Variants in NTM observed in about 807,000 individuals in gnomAD.
NTM encodes the protein IgLON family member 2.
NTM carries 13 observed loss-of-function variants against 42.1 expected under a neutral mutation model. That is an observed-to-expected ratio of 0.31 (90% confidence interval 0.20 to 0.49). NTM has a LOEUF of 0.49. Among genes scored for constraint, NTM ranks in the 20% least tolerant of loss-of-function variants. The pLI is 0.99. For synonymous variants in NTM, 187 were observed against 179.2 expected (o/e 1.04, Z -0.35); for missense variants, 373 against 452.8 (o/e 0.82, Z 1.60).
At chr11:132,065,491 A>T (rs971922736) in intron 2 of NTM, among the ~76,000 whole-genome samples, 40 of 152,196 alleles carry the variant, frequency 2.6e-4, no homozygotes, top group African/African-American at 9.6e-4. Flanking sequence ...TCTTGTTCAT[A>T]TGATTGTTCA....
intron 1 of NTM, chr11:131,795,656 C>T (rs943523923): frequency 2.0e-6 from 2 of 985,296 alleles, no homozygotes; most frequent in African/African-American, 3.5e-5. Context: ...AGTACAGTGC[C>T]AGTGCCCATA....
At chr11:132,113,314 G>A (rs1010538862) in intron 2 of NTM, among the ~76,000 whole-genome samples, 13 of 152,124 alleles carry the variant, frequency 8.5e-5, no homozygotes, top group African/African-American at 2.4e-4. Flanking sequence ...TGTAATGAAC[G>A]CCTCTGTGAT....
At chr11:131,932,677 A>G (rs1223228969) in intron 2 of NTM, among the ~76,000 whole-genome samples, 1 of 152,200 alleles carries the variant, frequency 6.6e-6, no homozygotes, top group Non-Finnish European at 1.5e-5. Context: ...GGTGGTGATG[A>G]TTTATACCTT....
intron 1 of NTM, among the ~76,000 whole-genome samples, chr11:131,649,755 G>C (rs935771279): frequency 6.6e-6 from 1 of 152,152 alleles, no homozygotes; most frequent in African/African-American, 2.4e-5. Flanking sequence ...GGAAGTGGAT[G>C]ATAGTCCATG....
rs117884343 is a variant in NTM at position 131,950,047 on chromosome 11, G to A, written c.167+38399G>A. Among the ~76,000 whole-genome samples the A allele has an allele frequency of 5.6e-3, 850 of 152,268 alleles. 5 individuals carry two copies. The highest frequency in any genetic ancestry group is 0.012 in the South Asian group (60 of 4,824). ...ACCTTGGTGCTTGACCATATTCAGT[G>A]AATATTTCTTGAACATTATTGGTGG... On this transcript the variant is annotated intron_variant, in intron 2 of 8. Coordinates refer to ENST00000683400, the MANE Select transcript of NTM (RefSeq NM_001352005.2).
chr11:131,699,105 T>C (rs1565441458), intron 1 of NTM, among the ~76,000 whole-genome samples: 1 of 152,224 alleles, frequency 6.6e-6, no homozygotes, highest in Non-Finnish European at 1.5e-5. Flanking sequence ...TTGTAAATTA[T>C]ACCTTAACAA....
In NTM at chr11:131,446,912, G is replaced by T. The variant is rs115078460; in HGVS notation, c.82+76024G>T. On this transcript the variant is annotated intron_variant, in intron 1 of 8. Coordinates refer to ENST00000683400, the MANE Select transcript of NTM (RefSeq NM_001352005.2). Reference sequence around the variant, plus strand: ...AAAGCTGGCTGTGGTCCTTCACAGCGATCAGAGGAGAGGCTGATGGAAAGC... The same window carrying T: ...AAAGCTGGCTGTGGTCCTTCACAGCTATCAGAGGAGAGGCTGATGGAAAGC... 8.2e-3 allele frequency among the ~76,000 whole-genome samples: 1,244 copies of T among 152,320 alleles called. 15 individuals carry two copies. The highest frequency in any genetic ancestry group is 0.028 in the African/African-American group (1,167 of 41,574).
In NTM at chr11:131,758,061, G is replaced by T. The variant is rs148728621; in HGVS notation, c.83-153503G>T. ...TCCAGATGGTCACCGGACACTACAG[G>T]GCTCCGCTGAGAGCAAGTAGCCTTA... On this transcript the variant is annotated intron_variant, in intron 1 of 8. Coordinates refer to ENST00000683400, the MANE Select transcript of NTM (RefSeq NM_001352005.2). Among the ~76,000 whole-genome samples the T allele has an allele frequency of 2.6e-5, 4 of 152,250 alleles. No individual in the cohort carries two copies. The East Asian group carries it at 7.7e-4, about 29-fold the overall frequency.
intron 3 of NTM, among the ~76,000 whole-genome samples, chr11:132,160,170 C>A (rs914230283): frequency 6.6e-6 from 1 of 152,232 alleles, no homozygotes; most frequent in African/African-American, 2.4e-5. Flanking sequence ...GACAGGGCAG[C>A]ATGCTGCCCA....
chr11:132,019,908 A>C (rs565700334), intron 2 of NTM, among the ~76,000 whole-genome samples: 1 of 151,600 alleles, frequency 6.6e-6, no homozygotes, highest in African/African-American at 2.4e-5. Flanking sequence ...ATCTTGCCTG[A>C]CGCTGAGGTT....
intron 2 of NTM, chr11:131,981,642 T>C (rs181580275): frequency 7.2e-5 from 11 of 152,336 alleles, no homozygotes; most frequent in African/African-American, 1.2e-4. Flanking sequence ...ATATCCAATA[T>C]TTCTGTGCTA....
intron 1 of NTM, among the ~76,000 whole-genome samples, chr11:131,821,310 T>A (rs1401948229): frequency 6.6e-6 from 1 of 152,202 alleles, no homozygotes; most frequent in Non-Finnish European, 1.5e-5. Flanking sequence ...GCAGGTGAGA[T>A]CCTTAGTCAT....
At chr11:131,768,888 A>C (rs529831619) in intron 1 of NTM, among the ~76,000 whole-genome samples, 15 of 152,236 alleles carry the variant, frequency 9.9e-5, no homozygotes, top group Non-Finnish European at 1.9e-4. Flanking sequence ...AGACTGGACA[A>C]ATAATATGCC....
chr11:131,802,371 G>T (rs570201388), intron 1 of NTM, among the ~76,000 whole-genome samples: 1 of 152,294 alleles, frequency 6.6e-6, no homozygotes, highest in African/African-American at 2.4e-5. Context: ...GCTACTTGGG[G>T]TTTTATCTGC....
intron 2 of NTM, among the ~76,000 whole-genome samples, chr11:132,028,267 T>C (rs914034147): frequency 1.1e-4 from 16 of 151,612 alleles, no homozygotes; most frequent in Non-Finnish European, 2.1e-4. Context: ...TTTTTCGTCT[T>C]ATAGTATGCT....
At chr11:132,036,693 T>G (rs183956984) in intron 2 of NTM, among the ~76,000 whole-genome samples, 30 of 152,326 alleles carry the variant, frequency 2.0e-4, no homozygotes, top group Admixed American at 5.9e-4. Context: ...GCACAAGTAC[T>G]GGAAACCATG....
At chr11:131,671,287 T>C in intron 1 of NTM, among the ~76,000 whole-genome samples, 1 of 152,172 alleles carries the variant, frequency 6.6e-6, no homozygotes, top group Non-Finnish European at 1.5e-5. Context: ...GTTCCACCCC[T>C]AGCCTCCCTG....
chr11:132,187,413 G>A (rs1344798642), intron 3 of NTM, among the ~76,000 whole-genome samples: 4 of 152,120 alleles, frequency 2.6e-5, no homozygotes, highest in African/African-American at 9.7e-5. Flanking sequence ...TATCCCTTTA[G>A]GGTGAAACGC....
intron 1 of NTM, among the ~76,000 whole-genome samples, chr11:131,461,799 C>T (rs1017335833): frequency 2.6e-5 from 4 of 152,072 alleles, no homozygotes; most frequent in Non-Finnish European, 5.9e-5. Context: ...TCACATTGTA[C>T]ACTTTGAATA....
Sources: gnomAD v4.1 joint callset for allele counts (sites outside exome capture counted in the v4.1 genomes callset) on GRCh38, gnomAD v4.1.1 for gene constraint, MANE v1.5 for transcripts, NCBI Gene and HGNC (gene_info 2026-07-23, HGNC 2026-07-21) for gene names.